Variants in RAB3C observed in about 807,000 individuals in gnomAD.
RAB3C encodes the protein ras-related protein Rab-3C.
Under a neutral mutation model 26.4 loss-of-function variants are expected in RAB3C, and 17 were observed. The observed-to-expected ratio is 0.64, with a 90% CI of 0.44 to 0.97. The LOEUF (loss-of-function observed/expected upper bound fraction) is 0.97, where lower values mean the gene tolerates loss of function less well. Ranked by LOEUF, RAB3C falls within the 50% of genes least tolerant of loss-of-function variation. The pLI is 0.00. For missense variants in RAB3C, 242 were observed against 281.9 expected (o/e 0.86, Z 1.01); for synonymous variants, 91 against 95.9 (o/e 0.95, Z 0.30).
chr5:58,783,601 C>A (rs1742317039), intron 3 of RAB3C, among the ~76,000 whole-genome samples: 3 of 152,056 alleles, frequency 2.0e-5, no homozygotes, highest in African/African-American at 7.2e-5. Context: ...GAGCAAAGAC[C>A]AAGTATTTTC....
At chr5:58,667,385 C>G (rs1412686528) in intron 2 of RAB3C, among the ~76,000 whole-genome samples, 2 of 152,138 alleles carry the variant, frequency 1.3e-5, no homozygotes, top group Non-Finnish European at 2.9e-5. Flanking sequence ...GCTATTTCCT[C>G]TCCCTCCTTT....
intron 2 of RAB3C, among the ~76,000 whole-genome samples, chr5:58,706,400 G>C (rs1432903114): frequency 6.6e-6 from 1 of 152,092 alleles, no homozygotes; most frequent in Non-Finnish European, 1.5e-5. Context: ...TATAGGATAG[G>C]AAAAGCAGAA....
rs1484807024 is a variant in RAB3C at position 58,671,539 on chromosome 5, A to G, written c.252+53669A>G. Among the ~76,000 whole-genome samples, 4 of 152,300 alleles carry G rather than the reference A, an allele frequency of 2.6e-5. No individual in the cohort carries two copies. In the East Asian group the frequency reaches 5.8e-4, roughly 22 times the overall value. On this transcript the variant is annotated intron_variant, in intron 2 of 4. Transcript: ENST00000282878. ...AATTTACACACTTTGGACTGGAACCATAAAAAAAAATTGTGCCCCTAAAAA... is the reference window on the plus strand; with the variant it reads ...AATTTACACACTTTGGACTGGAACCGTAAAAAAAAATTGTGCCCCTAAAAA...
intron 3 of RAB3C, among the ~76,000 whole-genome samples, chr5:58,809,001 T>C (rs1405615282): frequency 6.6e-6 from 1 of 152,178 alleles, no homozygotes; most frequent in Non-Finnish European, 1.5e-5. Flanking sequence ...TGCATTAACA[T>C]AAGATGATAA....
Position 58,854,651 on chromosome 5 carries a change from C to G in RAB3C, c.*3300C>G, listed in dbSNP as rs1319241219. 1 of 152,208 alleles carries G rather than the reference C, an allele frequency of 6.6e-6. No individual in the cohort carries two copies. Among genetic ancestry groups the G allele is most frequent in the African/African-American group, 2.4e-5 (1 of 41,462 alleles). 9.4% of individuals were successfully genotyped at this position (152,208 alleles called of 1,614,324 possible). A position where few individuals can be genotyped will look rare whatever the true frequency, so the allele number is the denominator to read the frequency against. ...TGACTGTGAAAGCTAGGAGGTTCTT[C>G]TAGTTCCTCCTTAGGGTCACTTGAA... On this transcript the variant is annotated 3_prime_UTR_variant, in exon 5 of 5. Coordinates refer to ENST00000282878, the MANE Select transcript of RAB3C (RefSeq NM_138453.4).
At chr5:58,717,349 T>C (rs2111906809) in intron 2 of RAB3C, among the ~76,000 whole-genome samples, 1 of 152,176 alleles carries the variant, frequency 6.6e-6, no homozygotes, top group Middle Eastern at 3.4e-3. Context: ...GAAGAAGAGC[T>C]GGGAGATGAA....
At chr5:58,603,980 C>A (rs778161673) in intron 1 of RAB3C, among the ~76,000 whole-genome samples, 4 of 149,580 alleles carry the variant, frequency 2.7e-5, no homozygotes, top group Non-Finnish European at 6.0e-5. Flanking sequence ...GTTCAGATTT[C>A]TTTTTTGTCC....
intron 2 of RAB3C, among the ~76,000 whole-genome samples, chr5:58,671,237 A>G (rs1040518531): frequency 6.6e-6 from 1 of 152,180 alleles, no homozygotes; most frequent in African/African-American, 2.4e-5. Context: ...TTTTAAAAAA[A>G]TTCTCACAAC....
At chr5:58,744,222 C>T (rs1007377636) in intron 3 of RAB3C, among the ~76,000 whole-genome samples, 50 of 152,194 alleles carry the variant, frequency 3.3e-4, no homozygotes, top group Admixed American at 2.0e-4. Context: ...GAAAGACAGA[C>T]GTCAACTCAT....
intron 2 of RAB3C, among the ~76,000 whole-genome samples, chr5:58,661,613 T>C (rs1747906740): frequency 6.8e-6 from 1 of 147,162 alleles, no homozygotes; most frequent in African/African-American, 2.7e-5. Context: ...ACAAGATCTG[T>C]CTCTCAATTG....
chr5:58,633,978 A>C (rs1747238153), intron 2 of RAB3C, among the ~76,000 whole-genome samples: 1 of 69,548 alleles, frequency 1.4e-5, no homozygotes, highest in Admixed American at 1.2e-4. Context: ...TAAAAAATAC[A>C]AAAAAAAAAA....
intron 1 of RAB3C, among the ~76,000 whole-genome samples, chr5:58,593,068 C>T (rs139371742): frequency 6.6e-6 from 1 of 152,102 alleles, no homozygotes; most frequent in African/African-American, 2.4e-5. Context: ...CTAATATCAT[C>T]CCACAACTAA....
intron 2 of RAB3C, among the ~76,000 whole-genome samples, chr5:58,668,053 G>A (rs1171938695): frequency 6.6e-6 from 1 of 152,142 alleles, no homozygotes; most frequent in Non-Finnish European, 1.5e-5. Flanking sequence ...TCTGGGTTGA[G>A]TAGACTTGAC....
chr5:58,771,230 C>A lies in RAB3C; in HGVS notation c.371+45110C>A, dbSNP rs185717926. On this transcript the variant is annotated intron_variant, in intron 3 of 4. Coordinates refer to ENST00000282878, the MANE Select transcript of RAB3C (RefSeq NM_138453.4). ...GTTGGAGAAGGGACAATGCTAGATA[C>A]CAGATGAATAATTATGATGAAGAAT... 2.6e-3 allele frequency among the ~76,000 whole-genome samples: 397 copies of A among 151,852 alleles called. 1 individual carries two copies. Among genetic ancestry groups the A allele is most frequent in the Middle Eastern group, 6.8e-3 (2 of 294 alleles).
intron 4 of RAB3C, among the ~76,000 whole-genome samples, chr5:58,828,024 C>A (rs1373019069): frequency 6.6e-6 from 1 of 152,142 alleles, no homozygotes; most frequent in African/African-American, 2.4e-5. Flanking sequence ...AATTAATTCT[C>A]CATTGTGGAT....
intron 4 of RAB3C, among the ~76,000 whole-genome samples, chr5:58,833,816 A>G (rs1743673864): frequency 6.6e-6 from 1 of 152,226 alleles, no homozygotes; most frequent in Non-Finnish European, 1.5e-5. Flanking sequence ...ACAGTAAATT[A>G]CTATTTAAAT....
intron 2 of RAB3C, among the ~76,000 whole-genome samples, chr5:58,633,371 A>G (rs1014405502): frequency 1.3e-5 from 2 of 152,186 alleles, no homozygotes; most frequent in Non-Finnish European, 1.5e-5. Context: ...TCTTAAAACT[A>G]GACTATAGGA....
intron 2 of RAB3C, among the ~76,000 whole-genome samples, chr5:58,724,666 T>C (rs10514877): frequency 0.12 from 18,961 of 151,762 alleles, 1,533 homozygotes; most frequent in Non-Finnish European, 0.18. Context: ...AGAAGGTACT[T>C]TGAGCGGGTT....
intron 4 of RAB3C, among the ~76,000 whole-genome samples, chr5:58,826,972 C>T (rs1197975705): frequency 6.6e-6 from 1 of 152,130 alleles, no homozygotes; most frequent in African/African-American, 2.4e-5. Flanking sequence ...TAAAATCTAT[C>T]CCTGGATGGC....
Sources: allele counts gnomAD v4.1 joint callset (sites outside exome capture counted in the v4.1 genomes callset), GRCh38; gene constraint gnomAD v4.1.1; transcripts MANE v1.5; gene names NCBI Gene and HGNC (gene_info 2026-07-23, HGNC 2026-07-21).